Variants in PCDHGB2 observed in about 807,000 individuals in gnomAD.
PCDHGB2 encodes protocadherin gamma-B2.
PCDHGB2 carries 55 observed loss-of-function variants against 59.3 expected under a neutral mutation model. The ratio of observed to expected loss-of-function variants is 0.93; its 90% confidence interval spans 0.75 to 1.16. The LOEUF (loss-of-function observed/expected upper bound fraction) is 1.16, where lower values mean the gene tolerates loss of function less well. Ranked by LOEUF, PCDHGB2 falls within the 50% of genes most tolerant of loss-of-function variation. PCDHGB2 has a pLI of 0.00. For missense variants in PCDHGB2, 1,228 were observed against 1,198.5 expected (o/e 1.02, Z -0.36); for synonymous variants, 516 against 512.0 (o/e 1.01, Z -0.11).
At chr5:141,428,836 C>T (rs926107154) in intron 1 of PCDHGB2, 1 of 150,686 alleles carries the variant, frequency 6.6e-6, no homozygotes, top group African/African-American at 2.5e-5. Context: ...ATTTTTGAAA[C>T]ATTTTCACCA....
chr5:141,369,839 G>A (rs1482165947), intron 1 of PCDHGB2, among the ~76,000 whole-genome samples: 6 of 152,096 alleles, frequency 3.9e-5, no homozygotes, highest in Non-Finnish European at 7.4e-5. Context: ...GATTTTCTAT[G>A]TATTATTTTA....
Position 141,486,954 on chromosome 5 carries a change from C to T in PCDHGB2, c.2422-7853C>T, listed in dbSNP as rs764632268. 3.7e-6 allele frequency: 6 copies of T among 1,614,114 alleles called. 1 individual carries two copies. The South Asian group carries it at 6.6e-5, about 18-fold the overall frequency. On this transcript the variant is annotated intron_variant, in intron 1 of 3. Coordinates refer to ENST00000522605, the MANE Select transcript of PCDHGB2 (RefSeq NM_018923.3). The surrounding 1 kb of genome is among the most constrained non-coding windows in gnomAD (Gnocchi z 5.0). ...GCTGGCCACCTAATCACAAAGGTGA[C>T]TGCTGTGGACTTGGATTCAGGTTAC...
At chr5:141,475,934 G>T in intron 1 of PCDHGB2, 1 of 665,236 alleles carries the variant, frequency 1.5e-6, no homozygotes, top group Non-Finnish European at 2.5e-6. Context: ...TCGGGCCCCT[G>T]CCCGTCCCCT....
intron 1 of PCDHGB2, chr5:141,422,401 C>G: frequency 6.3e-7 from 1 of 1,598,896 alleles, no homozygotes; most frequent in Non-Finnish European, 8.5e-7. Context: ...TAACCACCTG[C>G]CTTTTAAATT....
intron 1 of PCDHGB2, among the ~76,000 whole-genome samples, chr5:141,475,237 G>C (rs2099360785): frequency 6.6e-6 from 1 of 152,234 alleles, no homozygotes. Flanking sequence ...AAACGATAGA[G>C]AGAGTGTGCT....
At chr5:141,419,151 C>A in intron 1 of PCDHGB2, 1 of 1,613,918 alleles carries the variant, frequency 6.2e-7, no homozygotes. Context: ...GGCAAGCCTC[C>A]GTTATCCTCC....
intron 1 of PCDHGB2, chr5:141,376,292 G>T: frequency 6.2e-7 from 1 of 1,614,156 alleles, no homozygotes; most frequent in Non-Finnish European, 8.5e-7. Flanking sequence ...GAGCATGCCC[G>T]GCTCGCACTT....
chr5:141,388,592 T>C (rs1435796614), intron 1 of PCDHGB2: 1 of 1,613,880 alleles, frequency 6.2e-7, no homozygotes, highest in Non-Finnish European at 8.5e-7. Context: ...CTGATGCCAA[T>C]GATAATGCTC....
Position 141,485,967 on chromosome 5 carries a change from A to G in PCDHGB2, c.2422-8840A>G, listed in dbSNP as rs751904053. 2.5e-6 allele frequency: 4 copies of G among 1,614,194 alleles called. No individual in the cohort carries two copies. The South Asian group carries it at 4.4e-5, about 18-fold the overall frequency. On this transcript the variant is annotated intron_variant, in intron 1 of 3. Transcript: ENST00000522605. This position sits in a 1 kb window ranked among gnomAD's most constrained non-coding sequence, Gnocchi z 5.7. The stretch of plus-strand genomic sequence containing the variant: ...GCGGGCATGGTGCTCATCCAGCTCA[A>G]TGCCTCAGACCCGGACCTGGGTCCC...
At chr5:141,483,918 T>G (rs2099588800) in intron 1 of PCDHGB2, among the ~76,000 whole-genome samples, 1 of 150,512 alleles carries the variant, frequency 6.6e-6, no homozygotes, top group Non-Finnish European at 1.5e-5. Flanking sequence ...CCACTCAGAT[T>G]GCAGGTCGTA....
In PCDHGB2 at chr5:141,393,089, G is replaced by A. The variant is rs1168367249; in HGVS notation, c.2421+30533G>A. 4 of 1,613,660 alleles carry A rather than the reference G, an allele frequency of 2.5e-6. No homozygotes were observed. In the East Asian group the frequency reaches 6.7e-5, roughly 27 times the overall value. ...TGATCACCGCGGGCAGGATAGATCGGGAGGAGCTCTGCGCTCAGAGCCCGC... is the reference window on the plus strand; with the variant it reads ...TGATCACCGCGGGCAGGATAGATCGAGAGGAGCTCTGCGCTCAGAGCCCGC... On this transcript the variant is annotated intron_variant, in intron 1 of 3. Transcript: ENST00000522605.
chr5:141,410,843 C>CTTTTTAT, intron 1 of PCDHGB2: 1 of 216,280 alleles, frequency 4.6e-6, no homozygotes. Context: ...GATATTTTGT[C>CTTTTTAT]TTTGTCTTTT....
Position 141,380,147 on chromosome 5 carries a change from G to A in PCDHGB2, c.2421+17591G>A, listed in dbSNP as rs191814510. On this transcript the variant is annotated intron_variant, in intron 1 of 3. Transcript: ENST00000522605. ...ACTCCTGACCTTAAGTGATCCACCC[G>A]CCTCAGCCTCTCAAAGGGCTGGGAT... Among the ~76,000 whole-genome samples the A allele has an allele frequency of 2.4e-3, 365 of 152,108 alleles. 1 individual carries two copies. Among genetic ancestry groups the A allele is most frequent in the Non-Finnish European group, 4.5e-3 (306 of 67,982 alleles).
At chr5:141,371,731 A>G in intron 1 of PCDHGB2, 1 of 1,614,042 alleles carries the variant, frequency 6.2e-7, no homozygotes, top group Non-Finnish European at 8.5e-7. Flanking sequence ...CTTGATGTCA[A>G]CGACAACGTT....
At chr5:141,397,569 G>A (rs996927698) in intron 1 of PCDHGB2, among the ~76,000 whole-genome samples, 2 of 152,162 alleles carry the variant, frequency 1.3e-5, no homozygotes, top group Non-Finnish European at 2.9e-5. Context: ...CTGAGAGCAA[G>A]AACTGTATCA....
At chr5:141,475,600 T>A (rs1023916159) in intron 1 of PCDHGB2, among the ~76,000 whole-genome samples, 2 of 152,192 alleles carry the variant, frequency 1.3e-5, no homozygotes, top group Admixed American at 1.3e-4. Context: ...TTCCAGACAA[T>A]GTTGTGTAGT....
chr5:141,494,431 T>C (rs1403792155), intron 1 of PCDHGB2, among the ~76,000 whole-genome samples: 1 of 152,158 alleles, frequency 6.6e-6, no homozygotes, highest in Non-Finnish European at 1.5e-5. Context: ...TTGAAAAGCC[T>C]CCTTTGCCAC....
chr5:141,478,576 G>C (rs543160289), intron 1 of PCDHGB2: 3 of 1,585,598 alleles, frequency 1.9e-6, no homozygotes, highest in Middle Eastern at 3.3e-4. Flanking sequence ...GCTTGACCCT[G>C]TTAGTGCTTT....
intron 1 of PCDHGB2, chr5:141,423,431 G>T: frequency 6.2e-7 from 1 of 1,614,010 alleles, no homozygotes; most frequent in South Asian, 1.1e-5. Context: ...GGGTTGGCAG[G>T]TATGCCCACG....
Sources: gnomAD v4.1 joint callset for allele counts (sites outside exome capture counted in the v4.1 genomes callset) on GRCh38, gnomAD v4.1.1 for gene constraint, Gnocchi (gnomAD v3.1) non-coding constraint, MANE v1.5 for transcripts, NCBI Gene and HGNC (gene_info 2026-07-23, HGNC 2026-07-21) for gene names.